ADAMTS18: variants seen among roughly 807,000 people sequenced by gnomAD.
The protein encoded by ADAMTS18 is A disintegrin and metalloproteinase with thrombospondin motifs 18.
Under a neutral mutation model 165.9 loss-of-function variants are expected in ADAMTS18, and 157 were observed. The observed-to-expected ratio is 0.95, with a 90% confidence interval of 0.83 to 1.08. The LOEUF (loss-of-function observed/expected upper bound fraction) is 1.08. Ranked by LOEUF, ADAMTS18 falls within the 50% of genes least tolerant of loss-of-function variation. ADAMTS18 has a pLI of 0.00. For synonymous variants in ADAMTS18, 782 were observed against 578.2 expected (o/e 1.35, Z -5.06); for missense variants, 2,040 against 1,534.0 (o/e 1.33, Z -5.51).
At chr16:77,356,536 C>T (rs1597163592) in intron 8 of ADAMTS18, among the ~76,000 whole-genome samples, 1 of 152,090 alleles carries the variant, frequency 6.6e-6, no homozygotes, top group Admixed American at 6.5e-5. Context: ...ATATATAAGG[C>T]TAGCATGGTA....
At position 77,431,165 on chromosome 16, in the gene ADAMTS18, T is replaced by C. The variant is rs920051753; in HGVS notation, c.495+130A>G. 14 of 943,090 alleles carry C rather than the reference T, an allele frequency of 1.5e-5. No homozygotes were observed. The East Asian group carries it at 3.6e-4, about 24-fold the overall frequency. The allele number at this position is 943,090 out of a possible 1,614,324, so 58.4% of individuals were successfully genotyped here. A position where few individuals can be genotyped will look rare whatever the true frequency, so the allele number is the denominator to read the frequency against. Reference sequence around the variant, plus strand: ...ATTAGATTAATTCAATTGAGAATATTAGAAGTATCAAGGCTGACAGTGTGA... The same window carrying C: ...ATTAGATTAATTCAATTGAGAATATCAGAAGTATCAAGGCTGACAGTGTGA... On this transcript the variant is annotated intron_variant, in intron 3 of 22. Coordinates refer to ENST00000282849, the MANE Select transcript of ADAMTS18 (RefSeq NM_199355.4).
chr16:77,357,706 T>A (rs1022297809), intron 8 of ADAMTS18, among the ~76,000 whole-genome samples: 1 of 152,224 alleles, frequency 6.6e-6, no homozygotes, highest in Non-Finnish European at 1.5e-5. Flanking sequence ...AAATTTAATT[T>A]AATAGCATTT....
chr16:77,337,865 G>A (rs1353006634), intron 11 of ADAMTS18, among the ~76,000 whole-genome samples: 1 of 150,802 alleles, frequency 6.6e-6, no homozygotes, highest in Non-Finnish European at 1.5e-5. Context: ...TGCAAATTTA[G>A]AATATATACA....
At chr16:77,291,051 C>T in intron 21 of ADAMTS18, 1 of 528,890 alleles carries the variant, frequency 1.9e-6, no homozygotes, top group Non-Finnish European at 3.3e-6. Flanking sequence ...CAAATCAACT[C>T]TCCCAGATAA....
intron 22 of ADAMTS18, among the ~76,000 whole-genome samples, chr16:77,288,207 G>A (rs2055292575): frequency 6.6e-6 from 1 of 152,068 alleles, no homozygotes; most frequent in South Asian, 2.1e-4. Flanking sequence ...ATACTGTTGG[G>A]CAATTTCATA....
rs185333573 is a variant in ADAMTS18, at chr16:77,300,064, G to C, written c.2674+199C>G. On this transcript the variant is annotated intron_variant, in intron 17 of 22. Transcript: ENST00000282849. ...TTTGAGCCTTGGTTGTGGTTGATTT[G>C]AGCTTTGTGAGAGTTGATTCCTTAC... The C allele has an allele frequency of 1.0e-5, 6 of 588,198 alleles. No individual in the cohort carries two copies. The African/African-American group carries it at 1.1e-4, about 11-fold the overall frequency. 36.4% of individuals were successfully genotyped at this position (588,198 alleles called of 1,614,324 possible).
intron 9 of ADAMTS18, among the ~76,000 whole-genome samples, chr16:77,355,474 A>T (rs1318867452): frequency 2.0e-5 from 3 of 152,182 alleles, no homozygotes; most frequent in Admixed American, 6.5e-5. Context: ...GAGCATTTTT[A>T]AAATACTCTA....
chr16:77,402,929 C>G (rs549105701), intron 3 of ADAMTS18, among the ~76,000 whole-genome samples: 206 of 152,298 alleles, frequency 1.4e-3, no homozygotes, highest in African/African-American at 4.5e-3. Context: ...CAACCTCTCT[C>G]AAATACACAT....
chr16:77,413,843 A>G (rs60557309), intron 3 of ADAMTS18, among the ~76,000 whole-genome samples: 512 of 151,664 alleles, frequency 3.4e-3, no homozygotes, highest in African/African-American at 0.012. Flanking sequence ...TAAACTAGCA[A>G]GTTTTAACCA....
chr16:77,431,510 T>C lies in ADAMTS18; in HGVS notation c.280A>G (p.Arg94Gly), dbSNP rs1389964770. The C allele has an allele frequency of 1.7e-5, 28 of 1,614,198 alleles. No homozygotes were observed. Among genetic ancestry groups the C allele is most frequent in the Non-Finnish European group, 2.2e-5 (26 of 1,180,018 alleles). Residue 94 changes from arginine (R) to glycine (G), a missense_variant, in exon 3 of 23, where the codon AGA becomes GGA. Arg to Gly is a moderately radical substitution (Grantham distance 125). Transcript: ENST00000282849. The part of the protein sequence containing the change: ...GRKKRSAQNA[R>G]SSLHYRFSAF... ...GAAAATCGGTAGTGCAGGGAGCTTC[T>C]GGCATTCTGCGCCGATCGCTTTTTC... is the stretch of plus-strand genomic sequence containing the variant.
At chr16:77,398,903 T>C (rs1463692270) in intron 3 of ADAMTS18, among the ~76,000 whole-genome samples, 1 of 152,128 alleles carries the variant, frequency 6.6e-6, no homozygotes, top group Non-Finnish European at 1.5e-5. Flanking sequence ...TTGGGTGGGA[T>C]GAGAAAAACC....
At chr16:77,362,439 T>A (rs1234348346) in intron 6 of ADAMTS18, among the ~76,000 whole-genome samples, 175 bp from the exon 7 acceptor site, 1 of 152,198 alleles carries the variant, frequency 6.6e-6, no homozygotes. Flanking sequence ...CTCACAATAT[T>A]TAAAGCAACT....
At chr16:77,369,448 T>A (rs2056845464) in intron 3 of ADAMTS18, among the ~76,000 whole-genome samples, 1 of 152,206 alleles carries the variant, frequency 6.6e-6, no homozygotes, top group Admixed American at 6.5e-5. Context: ...ATTTTTGGGA[T>A]CTAATTTTGG....
At chr16:77,397,785 T>C (rs1370489156) in intron 3 of ADAMTS18, among the ~76,000 whole-genome samples, 1 of 152,210 alleles carries the variant, frequency 6.6e-6, no homozygotes, top group African/African-American at 2.4e-5. Context: ...TGTTGGCTTG[T>C]CTGGAAAACT....
chr16:77,418,869 C>T lies in ADAMTS18; in HGVS notation c.495+12426G>A, dbSNP rs115956297. On this transcript the variant is annotated intron_variant, in intron 3 of 22. Transcript: ENST00000282849. ...AGCAGCTTAAAAACACCCAATTATTCGCCGAGTGCGGCAGCTCACGCCTGT... is the reference window on the plus strand; with the variant it reads ...AGCAGCTTAAAAACACCCAATTATTTGCCGAGTGCGGCAGCTCACGCCTGT... 9.9e-3 allele frequency among the ~76,000 whole-genome samples: 1,500 copies of T among 152,284 alleles called. 18 individuals are homozygous for T. Among genetic ancestry groups the T allele is most frequent in the African/African-American group, 0.033 (1,392 of 41,574 alleles).
chr16:77,299,122 C>T (rs929848527), intron 17 of ADAMTS18, among the ~76,000 whole-genome samples: 5 of 152,184 alleles, frequency 3.3e-5, no homozygotes, highest in Non-Finnish European at 7.3e-5. Context: ...TAATCTGTGA[C>T]TAAATGAAAC....
intron 7 of ADAMTS18, among the ~76,000 whole-genome samples, chr16:77,361,156 T>C (rs1440183070): frequency 6.6e-6 from 1 of 152,176 alleles, no homozygotes; most frequent in Non-Finnish European, 1.5e-5. Context: ...ATATTACTTG[T>C]GGCTGCTTTT....
intron 10 of ADAMTS18, among the ~76,000 whole-genome samples, chr16:77,342,138 T>C (rs1244064544): frequency 1.3e-5 from 2 of 152,188 alleles, no homozygotes; most frequent in Non-Finnish European, 2.9e-5. Flanking sequence ...AAGATTGGAA[T>C]AAAGCAAGTC....
At chr16:77,321,029 G>T in intron 15 of ADAMTS18, 50 bp downstream of exon 15, 1 of 1,612,898 alleles carries the variant, frequency 6.2e-7, no homozygotes, top group Non-Finnish European at 8.5e-7. Context: ...AACTTGTTTG[G>T]TAGCAAAAGT....
Sources: allele counts gnomAD v4.1 joint callset (sites outside exome capture counted in the v4.1 genomes callset), GRCh38; gene constraint gnomAD v4.1.1; transcripts MANE v1.5; gene names NCBI Gene and HGNC (gene_info 2026-07-23, HGNC 2026-07-21).